The following OR3A2 variants were observed in gnomAD, a reference collection of about 807,000 sequenced individuals.
OR3A2 encodes olfactory receptor 3A2.
For missense variants in OR3A2, 318 were observed against 392.8 expected, an observed-to-expected ratio of 0.81 and a Z score of 1.61; for synonymous variants, 126 against 159.3, an observed-to-expected ratio of 0.79 and a Z score of 1.57.
At position 3,323,475 on chromosome 17, in the gene OR3A2, C is replaced by T. The variant is rs923576366; in HGVS notation, c.-85+12558G>A. Among the ~76,000 whole-genome samples the T allele has an allele frequency of 3.3e-5, 5 of 151,924 alleles. No homozygotes were observed. In the East Asian group the frequency reaches 5.8e-4, roughly 18 times the overall value. The stretch of plus-strand genomic sequence containing the variant: ...CCTCGATGGTCTTTATAATTTGGCA[C>T]GTTTTTGCAGTGGCTGGTACCGGTT... On this transcript the variant is annotated intron_variant, in intron 3 of 4. Coordinates refer to the OR3A2 transcript ENST00000573491.
intron 3 of OR3A2, among the ~76,000 whole-genome samples, chr17:3,331,825 T>A (rs2049237399): frequency 6.6e-6 from 1 of 151,728 alleles, no homozygotes; most frequent in Non-Finnish European, 1.5e-5. Flanking sequence ...TCTGTTCTGT[T>A]TTTTCCCCAT....
intron 3 of OR3A2, among the ~76,000 whole-genome samples, chr17:3,335,087 C>T (rs2049267412): frequency 6.6e-6 from 1 of 152,080 alleles, no homozygotes; most frequent in Middle Eastern, 3.2e-3. Context: ...AAGCCATTAT[C>T]TCTTATCTGT....
intron 1 of OR3A2, among the ~76,000 whole-genome samples, chr17:3,283,803 A>C (rs1344049183): frequency 6.6e-6 from 1 of 151,630 alleles, no homozygotes; most frequent in Admixed American, 6.6e-5. Context: ...ACAGACAAGT[A>C]AGTCATGGTC....
chr17:3,303,529 C>T (rs745768427), intron 3 of OR3A2, among the ~76,000 whole-genome samples: 1 of 151,852 alleles, frequency 6.6e-6, no homozygotes, highest in Non-Finnish European at 1.5e-5. Context: ...ATCACGAAGC[C>T]AAGAGATCGA....
chr17:3,367,537 T>C (rs1424468136), intron 2 of OR3A2, among the ~76,000 whole-genome samples: 3 of 150,848 alleles, frequency 2.0e-5, no homozygotes, highest in Non-Finnish European at 4.4e-5. Context: ...GCAAACGCCA[T>C]TATTTCATTC....
intron 2 of OR3A2, among the ~76,000 whole-genome samples, chr17:3,344,646 C>T (rs1341109056): frequency 6.6e-6 from 1 of 152,180 alleles, no homozygotes; most frequent in Non-Finnish European, 1.5e-5. Context: ...CCCCAAATCC[C>T]TCAAACCACC....
chr17:3,307,408 T>C (rs1248132925), intron 3 of OR3A2, among the ~76,000 whole-genome samples: 1 of 152,230 alleles, frequency 6.6e-6, no homozygotes, highest in Non-Finnish European at 1.5e-5. Context: ...CCTTGGCCCA[T>C]GACAGGCTTA....
intron 3 of OR3A2, among the ~76,000 whole-genome samples, chr17:3,299,566 G>C (rs1035639252): frequency 2.0e-5 from 3 of 152,148 alleles, no homozygotes; most frequent in Non-Finnish European, 4.4e-5. Flanking sequence ...AATGAACGGC[G>C]AATGTGGAGA....
At chr17:3,337,309 T>C (rs1032251022) in intron 2 of OR3A2, among the ~76,000 whole-genome samples, 1 of 152,190 alleles carries the variant, frequency 6.6e-6, no homozygotes, top group African/African-American at 2.4e-5. Flanking sequence ...AGTTCTAGGG[T>C]ACATGTGCAC....
chr17:3,304,478 G>A (rs1287176756), intron 3 of OR3A2, among the ~76,000 whole-genome samples: 1 of 152,194 alleles, frequency 6.6e-6, no homozygotes, highest in African/African-American at 2.4e-5. Flanking sequence ...TGAGGCAACT[G>A]TATTTCTCAC....
At chr17:3,326,055 C>A (rs149791977) in intron 3 of OR3A2, among the ~76,000 whole-genome samples, 47 of 152,198 alleles carry the variant, frequency 3.1e-4, no homozygotes, top group Admixed American at 5.2e-4. Context: ...GTTTTCTGTG[C>A]CCGCATTAGT....
At chr17:3,377,184 T>C (rs1405405852) in intron 2 of OR3A2, among the ~76,000 whole-genome samples, 1 of 152,208 alleles carries the variant, frequency 6.6e-6, no homozygotes, top group Non-Finnish European at 1.5e-5. Context: ...AAGTTCACAA[T>C]GTGAGTCTCC....
At chr17:3,362,709 C>A (rs938999969) in intron 2 of OR3A2, among the ~76,000 whole-genome samples, 1 of 151,628 alleles carries the variant, frequency 6.6e-6, no homozygotes, top group Non-Finnish European at 1.5e-5. Context: ...TCCAACCCCA[C>A]ATTTCCCCTC....
At chr17:3,371,136 C>T (rs1197496346) in intron 2 of OR3A2, among the ~76,000 whole-genome samples, 1 of 151,968 alleles carries the variant, frequency 6.6e-6, no homozygotes, top group Non-Finnish European at 1.5e-5. Flanking sequence ...GTTGGGTACA[C>T]CTCCCAGACG....
chr17:3,328,858 A>G (rs113201682), intron 3 of OR3A2, among the ~76,000 whole-genome samples: 7,183 of 121,818 alleles, frequency 0.059, 1,409 homozygotes, highest in African/African-American at 0.14. Context: ...GCTGGATTAC[A>G]TTTATTGATT....
intron 2 of OR3A2, among the ~76,000 whole-genome samples, chr17:3,339,019 CTT>C (rs2150646337): frequency 6.6e-6 from 1 of 152,286 alleles, no homozygotes; most frequent in African/African-American, 2.4e-5. Flanking sequence ...ATTTGATCCT[CTT>C]TGTAGCAGTT....
intron 2 of OR3A2, among the ~76,000 whole-genome samples, chr17:3,352,755 T>C (rs2049430899): frequency 6.6e-6 from 1 of 151,964 alleles, no homozygotes; most frequent in African/African-American, 2.4e-5. Flanking sequence ...TTCATATAAA[T>C]TTTAGGATTT....
intron 3 of OR3A2, among the ~76,000 whole-genome samples, chr17:3,308,310 C>G (rs2049013070): frequency 2.0e-5 from 3 of 152,128 alleles, no homozygotes; most frequent in South Asian, 4.1e-4. Flanking sequence ...TCTGTCTGTC[C>G]TTTATAAGCC....
chr17:3,366,085 G>C (rs544746592), intron 2 of OR3A2, among the ~76,000 whole-genome samples: 4 of 152,204 alleles, frequency 2.6e-5, no homozygotes, highest in African/African-American at 9.6e-5. Context: ...AGCGGAAAAC[G>C]TCTGATGGAA....
Sources: allele counts gnomAD v4.1 joint callset (sites outside exome capture counted in the v4.1 genomes callset), GRCh38; gene constraint gnomAD v4.1.1; transcripts MANE v1.5; gene names NCBI Gene and HGNC (gene_info 2026-07-23, HGNC 2026-07-21).